NBEA: variants seen among roughly 807,000 people sequenced by gnomAD.
The protein encoded by NBEA is lysosomal-trafficking regulator 2.
Under a neutral mutation model 343.4 loss-of-function variants are expected in NBEA, and 44 were observed. That is an observed-to-expected ratio of 0.13 (90% CI 0.10 to 0.16). The LOEUF (loss-of-function observed/expected upper bound fraction) is 0.16, where lower values mean the gene tolerates loss of function less well. Ranked by LOEUF, NBEA falls within the 10% of genes least tolerant of loss-of-function variation. The pLI, the probability that NBEA is intolerant of heterozygous loss-of-function variation, is 1.00. For synonymous variants in NBEA, 1,175 were observed against 1,238.7 expected (o/e 0.95, Z 1.08); for missense variants, 2,555 against 3,631.3 (o/e 0.70, Z 7.62).
chr13:35,241,794 A>G (rs1005003988), intron 34 of NBEA, among the ~76,000 whole-genome samples: 11 of 151,878 alleles, frequency 7.2e-5, no homozygotes, highest in Non-Finnish European at 2.9e-5. Flanking sequence ...GAGCTACTCA[A>G]AACGTTAGGA....
chr13:35,660,814 C>T (rs1354768138), intron 55 of NBEA, among the ~76,000 whole-genome samples: 1 of 152,200 alleles, frequency 6.6e-6, no homozygotes, highest in Non-Finnish European at 1.5e-5. Context: ...ATACATTAAA[C>T]AAGTTTGTAT....
At chr13:34,946,534 A>G (rs2059189203) in intron 1 of NBEA, among the ~76,000 whole-genome samples, 1 of 152,022 alleles carries the variant, frequency 6.6e-6, no homozygotes, top group Non-Finnish European at 1.5e-5. Flanking sequence ...TGTATAGTAT[A>G]ATTCTATGAT....
At chr13:35,646,006 T>G in intron 50 of NBEA, 75 bp downstream of exon 50, 1 of 992,264 alleles carries the variant, frequency 1.0e-6, no homozygotes, top group Non-Finnish European at 1.5e-6. Flanking sequence ...GGTTAGATTT[T>G]CCACATTTAA....
At chr13:35,169,234 T>G (rs1364304224) in intron 25 of NBEA, among the ~76,000 whole-genome samples, 5 of 151,630 alleles carry the variant, frequency 3.3e-5, no homozygotes, top group Admixed American at 3.3e-4. Context: ...ACAATGGTGT[T>G]ACAGTCATAT....
At chr13:34,978,365 A>G (rs2060248274) in intron 1 of NBEA, among the ~76,000 whole-genome samples, 2 of 152,218 alleles carry the variant, frequency 1.3e-5, no homozygotes, top group Admixed American at 1.3e-4. Flanking sequence ...TACTAAAATA[A>G]CTTTATCACA....
chr13:35,389,585 G>A (rs2042401218), intron 38 of NBEA, among the ~76,000 whole-genome samples: 1 of 152,030 alleles, frequency 6.6e-6, no homozygotes, highest in African/African-American at 2.4e-5. Context: ...TAGATAGAAA[G>A]CTGTATTATT....
intron 1 of NBEA, among the ~76,000 whole-genome samples, chr13:35,039,325 G>T (rs1366711987): frequency 6.6e-6 from 1 of 152,120 alleles, no homozygotes; most frequent in Non-Finnish European, 1.5e-5. Context: ...GGTTCTGTGG[G>T]TGCTCACATG....
chr13:35,186,980 T>G (rs1185981714), intron 30 of NBEA, among the ~76,000 whole-genome samples: 1 of 152,112 alleles, frequency 6.6e-6, no homozygotes, highest in Admixed American at 6.6e-5. Context: ...GTTTTTGTTT[T>G]AAAAACAAAA....
At chr13:35,076,129 A>G (rs1435352286) in intron 10 of NBEA, among the ~76,000 whole-genome samples, 1 of 151,858 alleles carries the variant, frequency 6.6e-6, no homozygotes, top group Non-Finnish European at 1.5e-5. Flanking sequence ...AGTTTCCAAA[A>G]ACATTTAAAA....
chr13:34,955,320 G>A (rs1037301059), intron 1 of NBEA, among the ~76,000 whole-genome samples: 9 of 151,712 alleles, frequency 5.9e-5, no homozygotes, highest in African/African-American at 2.2e-4. Context: ...TACTTCTTGG[G>A]TACATAAAAG....
intron 34 of NBEA, among the ~76,000 whole-genome samples, chr13:35,286,359 A>G (rs1283728062): frequency 6.6e-6 from 1 of 152,148 alleles, no homozygotes; most frequent in Non-Finnish European, 1.5e-5. Flanking sequence ...TACTGATAAT[A>G]TATTCAAAGC....
intron 18 of NBEA, among the ~76,000 whole-genome samples, chr13:35,148,369 A>G (rs1049928425): frequency 6.6e-6 from 1 of 152,180 alleles, no homozygotes; most frequent in Non-Finnish European, 1.5e-5. Context: ...AGTAGTTGTA[A>G]TGGAGATTAT....
intron 1 of NBEA, among the ~76,000 whole-genome samples, chr13:35,028,989 C>G (rs192153664): frequency 2.8e-4 from 43 of 151,610 alleles, no homozygotes; most frequent in African/African-American, 9.9e-4. Flanking sequence ...ATTGTATGGA[C>G]TATATTATTA....
At chr13:35,469,071 G>C (rs148479152) in intron 40 of NBEA, among the ~76,000 whole-genome samples, 3,021 of 126,454 alleles carry the variant, frequency 0.024, 112 homozygotes, top group African/African-American at 0.082. Flanking sequence ...TTGCACTCCA[G>C]CCTGGGTGAC....
intron 49 of NBEA, among the ~76,000 whole-genome samples, chr13:35,634,502 A>G (rs940295493): frequency 6.6e-6 from 1 of 152,248 alleles, no homozygotes; most frequent in Admixed American, 6.5e-5. Context: ...AGTTATTAAC[A>G]AGATACTAAG....
intron 36 of NBEA, among the ~76,000 whole-genome samples, chr13:35,309,904 CATCT>C (rs777221740): frequency 1.3e-5 from 2 of 152,248 alleles, no homozygotes; most frequent in East Asian, 3.9e-4. Flanking sequence ...TCTGCCACTC[CATCT>C]GTTTTCAGAG....
intron 10 of NBEA, among the ~76,000 whole-genome samples, chr13:35,093,244 G>T (rs1281358329): frequency 3.3e-5 from 5 of 151,562 alleles, no homozygotes; most frequent in African/African-American, 1.2e-4. Flanking sequence ...TGATAGAACT[G>T]GGCTATATTT....
chr13:35,509,218 A>G (rs1351405301), intron 41 of NBEA, among the ~76,000 whole-genome samples: 1 of 152,132 alleles, frequency 6.6e-6, no homozygotes, highest in Non-Finnish European at 1.5e-5. Flanking sequence ...GCTGGCTGGT[A>G]GCTGGTTCTT....
intron 40 of NBEA, among the ~76,000 whole-genome samples, chr13:35,455,831 G>T (rs1346686506): frequency 6.6e-6 from 1 of 151,948 alleles, no homozygotes; most frequent in African/African-American, 2.4e-5. Flanking sequence ...TAAGAAGTAG[G>T]CAAAATAATA....
Sources: allele counts gnomAD v4.1 joint callset (sites outside exome capture counted in the v4.1 genomes callset), GRCh38; gene constraint gnomAD v4.1.1; transcripts MANE v1.5; gene names NCBI Gene and HGNC (gene_info 2026-07-23, HGNC 2026-07-21).